TPCN2: variants seen among roughly 807,000 people sequenced by gnomAD.
TPCN2 encodes the protein two pore channel protein 2.
TPCN2 carries 92 observed loss-of-function variants against 111.4 expected under a neutral mutation model. That is an observed-to-expected ratio of 0.83 (90% CI 0.70 to 0.98). TPCN2 has a LOEUF of 0.98. Ranked by LOEUF, TPCN2 falls within the 50% of genes least tolerant of loss-of-function variation. The probability of loss-of-function intolerance (pLI) is 0.00; values close to 1 mark genes in which losing one functional copy is unlikely to be tolerated. For synonymous variants in TPCN2, 405 were observed against 414.5 expected (o/e 0.98, Z 0.28); for missense variants, 995 against 980.1 (o/e 1.02, Z -0.20).
In TPCN2 at chr11:69,072,900, C is replaced by T. The variant is rs1179982558; in HGVS notation, c.1144-15C>T. On this transcript the variant is annotated splice_polypyrimidine_tract_variant and intron_variant, in intron 12 of 24. Transcript: ENST00000294309. ...TCCCGTGCGCCCCTGCTGACCTGTGCTCCTTCCTGTGCAGAAGGTGCGTTC... is the reference window on the plus strand; with the variant it reads ...TCCCGTGCGCCCCTGCTGACCTGTGTTCCTTCCTGTGCAGAAGGTGCGTTC... The T allele has an allele frequency of 6.2e-7, 1 of 1,606,574 alleles. No individual in the cohort carries two copies. The highest frequency in any genetic ancestry group is 1.1e-5 in the South Asian group (1 of 90,912).
chr11:69,063,810 C>A, intron 6 of TPCN2, 85 bp from the exon 7 acceptor site: 1 of 1,355,958 alleles, frequency 7.4e-7, no homozygotes, highest in Non-Finnish European at 1.0e-6. Flanking sequence ...CTCTTGGGCG[C>A]TCCTGTCACC....
At chr11:69,061,905 G>A (rs1022785924) in intron 5 of TPCN2, among the ~76,000 whole-genome samples, 13 of 152,094 alleles carry the variant, frequency 8.5e-5, no homozygotes, top group Non-Finnish European at 1.8e-4. Context: ...AAGGAAGGCA[G>A]GGAAGATGGG....
Position 69,087,024 on chromosome 11 carries a change from C to T in TPCN2, c.2086-88C>T. 3 of 1,163,928 alleles carry T rather than the reference C, an allele frequency of 2.6e-6. 1 individual carries two copies. In the South Asian group the frequency reaches 4.0e-5, roughly 16 times the overall value. 72.1% of individuals were successfully genotyped at this position (1,163,928 alleles called of 1,614,324 possible). A position where few individuals can be genotyped will look rare whatever the true frequency, so the allele number is the denominator to read the frequency against. On this transcript the variant is annotated intron_variant, in intron 23 of 24. Coordinates refer to ENST00000294309, the MANE Select transcript of TPCN2 (RefSeq NM_139075.4). Reference sequence around the variant, plus strand: ...TGGCTCAGCCCCCTCAGCGGGTGCCCTGTGGCTGACCCTGGAGGGGCCGGG... The same window carrying T: ...TGGCTCAGCCCCCTCAGCGGGTGCCTTGTGGCTGACCCTGGAGGGGCCGGG...
intron 1 of TPCN2, among the ~76,000 whole-genome samples, chr11:69,050,605 T>G (rs1861181149): frequency 6.6e-6 from 1 of 152,230 alleles, no homozygotes; most frequent in South Asian, 2.1e-4. Context: ...CTCAAACTCC[T>G]GACCTCGGGT....
At chr11:69,058,176 G>T (rs112167689) in intron 5 of TPCN2, among the ~76,000 whole-genome samples, 88 of 152,330 alleles carry the variant, frequency 5.8e-4, no homozygotes, top group African/African-American at 2.0e-3. Context: ...GCACCCCCTG[G>T]GCTTTGCGAG....
intron 10 of TPCN2, 60 bp from the exon 11 acceptor site, chr11:69,071,863 G>T (rs1316448799): frequency 1.4e-5 from 21 of 1,508,286 alleles, no homozygotes; most frequent in Non-Finnish European, 1.9e-5. Flanking sequence ...GGAGGGAAGG[G>T]TCGGGGGTTC....
intron 2 of TPCN2, chr11:69,054,356 G>C: frequency 7.0e-6 from 4 of 574,708 alleles, no homozygotes; most frequent in Admixed American, 6.1e-5. Flanking sequence ...TCCCGGGTGG[G>C]TGGGGGCATC....
Position 69,062,888 on chromosome 11 carries a change from T to A in TPCN2, c.551T>A (p.Leu184Gln), listed in dbSNP as rs200456521. The change falls in exon 6 of 25, where the codon CTG (leucine) becomes CAG (glutamine). Residue 184 changes from leucine to glutamine, a missense_variant. Coordinates refer to ENST00000294309, the MANE Select transcript of TPCN2 (RefSeq NM_139075.4). ...AGTTTCCTGGGTCTCTTCCAGCCCC[T>A]GCGGATCCGCCGGCTTCTCCGTCCC... ...VSLSLVCHEPLRIRRLLRPFF... is the reference protein window; with the variant it reads ...VSLSLVCHEPQRIRRLLRPFF... 6.2e-7 allele frequency: 1 copy of A among 1,613,750 alleles called. No homozygotes were observed. Among genetic ancestry groups the A allele is most frequent in the African/African-American group, 1.3e-5 (1 of 74,922 alleles).
At chr11:69,082,388 A>G (rs1410042573) in intron 18 of TPCN2, among the ~76,000 whole-genome samples, 4 of 152,280 alleles carry the variant, frequency 2.6e-5, no homozygotes, top group African/African-American at 7.2e-5. Flanking sequence ...TCATGTTTGG[A>G]TACAATACAC....
intron 6 of TPCN2, 68 bp downstream of exon 6, chr11:69,063,058 G>T: frequency 7.1e-7 from 1 of 1,402,078 alleles, no homozygotes; most frequent in Non-Finnish European, 1.0e-6. Flanking sequence ...CCACGTGGTT[G>T]CGGGTGGGGC....
intron 13 of TPCN2, among the ~76,000 whole-genome samples, chr11:69,077,091 C>T (rs1008563277): frequency 0.011 from 47 of 4,222 alleles, no homozygotes; most frequent in Non-Finnish European, 0.025. Context: ...TGCCCTCCTG[C>T]CATGTCCCTC....
intron 4 of TPCN2, 114 bp downstream of exon 4, chr11:69,055,466 T>A: frequency 8.7e-7 from 1 of 1,146,710 alleles, no homozygotes; most frequent in Non-Finnish European, 1.2e-6. Flanking sequence ...CCAGACTTTG[T>A]ACTTTGACCC....
At chr11:69,087,309 C>T (rs919990027) in intron 24 of TPCN2, 103 bp downstream of exon 24, 6 of 954,594 alleles carry the variant, frequency 6.3e-6, no homozygotes, top group African/African-American at 1.6e-5. Flanking sequence ...GATGACTGTC[C>T]TCCCCCTCCG....
intron 7 of TPCN2, among the ~76,000 whole-genome samples, chr11:69,064,937 G>A: frequency 6.9e-6 from 1 of 145,830 alleles, no homozygotes; most frequent in South Asian, 2.1e-4. Flanking sequence ...GTCTGTGTGT[G>A]TGTTTGTATG....
rs78616921 is a variant in TPCN2 at position 69,078,173 on chromosome 11, A to G, written c.1231-309A>G. Among the ~76,000 whole-genome samples, 16 of 105,562 alleles carry G rather than the reference A, an allele frequency of 1.5e-4. No individual in the cohort carries two copies. In the South Asian group the frequency reaches 1.5e-3, roughly 10 times the overall value. 69.3% of individuals were successfully genotyped at this position (105,562 alleles called of 152,430 possible). ...TTTTCACACAGCTTTTTTTTTTTTT[A>G]TATATATCAGGGTGACACTTTGCGT... On this transcript the variant is annotated intron_variant, in intron 13 of 24. Transcript: ENST00000294309.
intron 13 of TPCN2, among the ~76,000 whole-genome samples, chr11:69,073,282 C>T (rs1220653208): frequency 6.6e-6 from 1 of 152,266 alleles, no homozygotes; most frequent in Non-Finnish European, 1.5e-5. Flanking sequence ...TCTCCTTTTC[C>T]TGTCTGTCCT....
intron 8 of TPCN2, 47 bp from the exon 9 acceptor site, chr11:69,070,383 A>G: frequency 6.9e-7 from 1 of 1,445,962 alleles, no homozygotes; most frequent in Non-Finnish European, 9.7e-7. Context: ...TGGGAGTGGG[A>G]TCAGGTACTG....
At position 69,088,127 on chromosome 11, in the gene TPCN2, A is replaced by G. The variant is rs1060435; in HGVS notation, c.*174A>G. 0.31 allele frequency: 186,047 copies of G among 594,790 alleles called. 32,888 individuals carry two copies. The highest frequency in any genetic ancestry group is 0.39 in the Non-Finnish European group (130,229 of 337,060). The allele number at this position is 594,790 out of a possible 1,614,324, so 36.8% of individuals were successfully genotyped here. A position where few individuals can be genotyped will look rare whatever the true frequency, so the allele number is the denominator to read the frequency against. On this transcript the variant is annotated 3_prime_UTR_variant, in exon 25 of 25. Coordinates refer to ENST00000294309, the MANE Select transcript of TPCN2 (RefSeq NM_139075.4). The stretch of plus-strand genomic sequence containing the variant: ...GTCCTTTGCGTGTGGCCCAACAACC[A>G]TCTACAGAACAGCTGCTGGTGCTTC...
At chr11:69,079,067 A>C (rs200873636) in intron 16 of TPCN2, 47 bp downstream of exon 16, 29 of 1,568,694 alleles carry the variant, frequency 1.8e-5, no homozygotes, top group Non-Finnish European at 2.4e-5. Context: ...CGGGTGGGTG[A>C]GCGCCACCTG....
Sources: gnomAD v4.1 joint callset for allele counts (sites outside exome capture counted in the v4.1 genomes callset) on GRCh38, gnomAD v4.1.1 for gene constraint, MANE v1.5 for transcripts, NCBI Gene and HGNC (gene_info 2026-07-23, HGNC 2026-07-21) for gene names.